The following RPGR variants were observed in gnomAD, a reference collection of about 807,000 sequenced individuals.
RPGR encodes X-linked retinitis pigmentosa GTPase regulator.
RPGR carries 10 observed loss-of-function variants against 56.3 expected under a neutral mutation model. The observed-to-expected ratio is 0.18, with a 90% CI of 0.11 to 0.30. RPGR has a LOEUF of 0.30. Ranked by LOEUF, RPGR falls within the 10% of genes least tolerant of loss-of-function variation. The pLI, the probability that RPGR is intolerant of heterozygous loss-of-function variation, is 1.00. For missense variants in RPGR, 538 were observed against 590.9 expected (o/e 0.91, Z 0.93); for synonymous variants, 197 against 212.9 (o/e 0.93, Z 0.65).
chrX:38,309,035 T>A (rs2067657093), intron 7 of RPGR, among the ~76,000 whole-genome samples: 1 of 112,332 alleles, frequency 8.9e-6, no homozygotes, highest in Non-Finnish European at 1.9e-5. Context: ...AACTGTTAAT[T>A]TTTTTGTGCA....
chrX:38,269,897 T>C, intron 18 of RPGR: 1 of 799,154 alleles, frequency 1.3e-6, no homozygotes, highest in Non-Finnish European at 1.8e-6. Flanking sequence ...TAACAGTATT[T>C]AGGGGATATC....
At chrX:38,271,397 A>C (rs1414192219) in intron 18 of RPGR, among the ~76,000 whole-genome samples, 1 of 112,144 alleles carries the variant, frequency 8.9e-6, no homozygotes, top group Non-Finnish European at 1.9e-5. Flanking sequence ...CCAAAAACTA[A>C]GGGAAATCCT....
rs73192571 is a variant in RPGR at position 38,322,618 on chromosome X, G to A, written c.247+235C>T. On this transcript the variant is annotated intron_variant, in intron 3 of 18. Transcript: ENST00000642395. ...ATGGGGGATATTCAAATGCAATACT[G>A]TAAAATCATTACTTCCTTTGTGGTC... Among the ~76,000 whole-genome samples the A allele has an allele frequency of 0.022, 2,513 of 112,064 alleles. 40 individuals are homozygous for A. Among genetic ancestry groups the A allele is most frequent in the Non-Finnish European group, 0.035 (1,862 of 53,131 alleles).
chrX:38,323,285 AAAC>A, intron 2 of RPGR, 111 bp downstream of exon 2: 3 of 769,435 alleles, frequency 3.9e-6, no homozygotes, highest in Non-Finnish European at 5.7e-6. Flanking sequence ...GCAAAGTAAA[AAAC>A]AACACTTTTG....
chrX:38,269,542 T>A lies in RPGR; in HGVS notation c.*84A>T. 2.9e-6 allele frequency: 2 copies of A among 684,880 alleles called. No homozygotes were observed. Among genetic ancestry groups the A allele is most frequent in the Non-Finnish European group, 4.5e-6 (2 of 440,678 alleles). 56.4% of individuals were successfully genotyped at this position (684,880 alleles called of 1,213,427 possible). On this transcript the variant is annotated 3_prime_UTR_variant, in exon 19 of 19. Coordinates refer to ENST00000642395, the MANE Select transcript of RPGR (RefSeq NM_000328.3). ...GTCTTATATCTTTTAAAGACTACTA[T>A]CAGAAACTTTACTTCATAAGTTATA... is the stretch of plus-strand genomic sequence containing the variant.
chrX:38,278,154 G>A (rs757851163), intron 15 of RPGR, among the ~76,000 whole-genome samples: 13 of 112,381 alleles, frequency 1.2e-4, no homozygotes, highest in Non-Finnish European at 2.3e-4. Flanking sequence ...TATTTCAAAT[G>A]ATGATTGATT....
intron 3 of RPGR, among the ~76,000 whole-genome samples, chrX:38,321,698 GTGCTGAGACCCACTGTATTCTATTA>G (rs2067944774): frequency 9.2e-6 from 1 of 108,779 alleles, no homozygotes; most frequent in Non-Finnish European, 1.9e-5. Context: ...TAATTAATAT[GTGCTGAGACCCACTGTATTCTATTA>G]TGCTGCCTCC....
Position 38,276,745 on chromosome X carries a change from G to A in RPGR, c.1933C>T (p.Leu645=). Residue 645 remains leucine, a synonymous_variant, in exon 16 of 19, where the codon CTA becomes TTA. Coordinates refer to ENST00000642395, the MANE Select transcript of RPGR (RefSeq NM_000328.3). ...TCCTCATCCACATCTTCTAGTTTTA[G>A]TTCCTCAGTTTTAGAAAATTCATGA... The A allele has an allele frequency of 6.6e-6, 8 of 1,208,832 alleles. No individual in the cohort carries two copies. The highest frequency in any genetic ancestry group is 9.0e-6 in the Non-Finnish European group (8 of 893,665).
At chrX:38,322,494 A>T (rs1232474634) in intron 3 of RPGR, among the ~76,000 whole-genome samples, 1 of 112,269 alleles carries the variant, frequency 8.9e-6, no homozygotes, top group East Asian at 2.8e-4. Flanking sequence ...ACTGTATTAA[A>T]TGAGAAAAGC....
intron 6 of RPGR, among the ~76,000 whole-genome samples, chrX:38,312,395 A>G (rs1021122716): frequency 9.0e-6 from 1 of 111,270 alleles, no homozygotes; most frequent in African/African-American, 3.3e-5. Flanking sequence ...AAGTTTTCCA[A>G]ATGTCTTTCC....
At chrX:38,286,723 C>A (rs774925495) in intron 15 of RPGR, 1 of 1,148,360 alleles carries the variant, frequency 8.7e-7, no homozygotes, top group East Asian at 3.3e-5. Context: ...TTCCCCTTCT[C>A]CTTCCTCTTT....
chrX:38,300,232 G>T lies in RPGR; in HGVS notation c.1059+1015C>A, dbSNP rs762770662. On this transcript the variant is annotated intron_variant, in intron 9 of 18. Transcript: ENST00000642395. The stretch of plus-strand genomic sequence containing the variant: ...CCCAAAGTGCTAGGATTACAGGCGT[G>T]AGCCACCGCGCCCGACCAGTACTTT... Among the ~76,000 whole-genome samples, 70 of 111,781 alleles carry T rather than the reference G, an allele frequency of 6.3e-4. 1 individual carries two copies. The highest frequency in any genetic ancestry group is 2.2e-3 in the African/African-American group (68 of 30,806).
chrX:38,303,711 G>A (rs1186052945), intron 8 of RPGR: 1 of 294,615 alleles, frequency 3.4e-6, no homozygotes, highest in African/African-American at 2.8e-5. Context: ...AGCTTCTTTG[G>A]GGAAGAAGAA....
intron 9 of RPGR, among the ~76,000 whole-genome samples, chrX:38,300,644 C>T (rs2067485449): frequency 9.0e-6 from 1 of 111,639 alleles, no homozygotes; most frequent in African/African-American, 3.3e-5. Flanking sequence ...AAGCAATTCT[C>T]GTGCCTCAGC....
At chrX:38,272,766 G>A (rs1333179563) in intron 18 of RPGR, among the ~76,000 whole-genome samples, 1 of 111,204 alleles carries the variant, frequency 9.0e-6, no homozygotes, top group Non-Finnish European at 1.9e-5. Context: ...GAAAATAACT[G>A]TCAACGAGCC....
At chrX:38,296,411 A>G (rs1486453798) in intron 11 of RPGR, among the ~76,000 whole-genome samples, 2 of 111,953 alleles carry the variant, frequency 1.8e-5, no homozygotes, top group Non-Finnish European at 3.8e-5. Flanking sequence ...TAATTAAGAG[A>G]GAATATTCCC....
intron 15 of RPGR, among the ~76,000 whole-genome samples, chrX:38,278,999 C>G (rs2066983270): frequency 8.9e-6 from 1 of 112,572 alleles, no homozygotes; most frequent in Non-Finnish European, 1.9e-5. Flanking sequence ...TTTAAACAAT[C>G]TATAACAATG....
At chrX:38,270,548 G>A (rs1220863685) in intron 18 of RPGR, among the ~76,000 whole-genome samples, 5 of 105,522 alleles carry the variant, frequency 4.7e-5, no homozygotes, top group African/African-American at 6.9e-5. Context: ...GCGTGAACCC[G>A]GGAGGCGGAG....
At chrX:38,304,256 G>A (rs1025053722) in intron 8 of RPGR, among the ~76,000 whole-genome samples, 30 of 110,186 alleles carry the variant, frequency 2.7e-4, no homozygotes, top group Non-Finnish European at 7.6e-5. Flanking sequence ...CTGTCAGACT[G>A]AATAGGAAGA....
Sources: allele counts gnomAD v4.1 joint callset (sites outside exome capture counted in the v4.1 genomes callset), GRCh38; gene constraint gnomAD v4.1.1; transcripts MANE v1.5; gene names NCBI Gene and HGNC (gene_info 2026-07-23, HGNC 2026-07-21).